SSBP4: variants seen among roughly 807,000 people sequenced by gnomAD.
The protein encoded by SSBP4 is single stranded DNA binding protein 4.
Under a neutral mutation model 64.6 loss-of-function variants are expected in SSBP4, and 33 were observed. The observed-to-expected ratio is 0.51, with a 90% CI of 0.39 to 0.68. The LOEUF (loss-of-function observed/expected upper bound fraction) is 0.68. Among genes scored for constraint, SSBP4 ranks in the 30% least tolerant of loss-of-function variants. The probability of loss-of-function intolerance (pLI) is 0.00; values close to 1 mark genes in which losing one functional copy is unlikely to be tolerated. For missense variants in SSBP4, 583 were observed against 566.8 expected (o/e 1.03, Z -0.29); for synonymous variants, 243 against 224.0 (o/e 1.08, Z -0.76).
At chr19:18,425,618 GT>G (rs1972798420) in intron 1 of SSBP4, among the ~76,000 whole-genome samples, 1 of 152,200 alleles carries the variant, frequency 6.6e-6, no homozygotes, top group South Asian at 2.1e-4. Context: ...GGCCAGGAAA[GT>G]GGAGGAAGAG....
rs560250784 is a variant in SSBP4 at position 18,432,703 on chromosome 19, C to A, written c.754C>A (p.Pro252Thr). 7.0e-6 allele frequency: 11 copies of A among 1,575,058 alleles called. No individual in the cohort carries two copies. In the South Asian group the frequency reaches 1.3e-4, roughly 19 times the overall value. Reference protein sequence around the residue: ...PWASPSGNSIPYSSSSPGSYT... With the variant: ...PWASPSGNSITYSSSSPGSYT... ...TCACAGCTGCCCTTGTCCCCAGATC[C>A]CCTACTCCTCCTCATCCCCCGGCAG... The change falls in exon 12 of 18, where the codon CCC (proline) becomes ACC (threonine). Residue 252 changes from proline to threonine, a missense_variant. Physicochemically the swap from Pro to Thr is conservative, Grantham distance 38. Transcript: ENST00000270061.
intron 5 of SSBP4, 102 bp from the exon 6 acceptor site, chr19:18,431,251 C>G (rs939202531): frequency 4.9e-6 from 3 of 617,906 alleles, no homozygotes; most frequent in Admixed American, 6.0e-5. Context: ...GTCCCTGTCC[C>G]ACAGGCTGGC....
At chr19:18,412,774 G>A in the SSBP4 span, among the ~76,000 whole-genome samples, 3 of 152,172 alleles carry the variant, frequency 2.0e-5, no homozygotes, top group South Asian at 6.2e-4. Context: ...GCCAAGGTGG[G>A]AGGACTGCTT....
chr19:18,405,229 C>G, the SSBP4 span, among the ~76,000 whole-genome samples: 3 of 152,154 alleles, frequency 2.0e-5, no homozygotes, highest in Non-Finnish European at 4.4e-5. Flanking sequence ...CAGGCTGGAA[C>G]AGGGTCAAGG....
At chr19:18,408,417 C>A in the SSBP4 span, among the ~76,000 whole-genome samples, 2 of 152,100 alleles carry the variant, frequency 1.3e-5, no homozygotes, top group Non-Finnish European at 2.9e-5. Context: ...GCCTCTTTAA[C>A]CCCCAGGAGG....
At chr19:18,431,896 T>A (rs1973419187) in intron 8 of SSBP4, 34 bp downstream of exon 8, 1 of 1,565,350 alleles carries the variant, frequency 6.4e-7, no homozygotes, top group Admixed American at 1.8e-5. Context: ...TATCCCGCCA[T>A]CAATCAGAAT....
chr19:18,409,271 C>G, the SSBP4 span, among the ~76,000 whole-genome samples: 1 of 150,698 alleles, frequency 6.6e-6, no homozygotes, highest in Non-Finnish European at 1.5e-5. Flanking sequence ...ACTGCAACCT[C>G]TACCTCCCAG....
rs1202953633 is a variant in SSBP4, at chr19:18,427,056, C to G, written c.60-295C>G. Among the ~76,000 whole-genome samples, 1 of 152,136 alleles carries G rather than the reference C, an allele frequency of 6.6e-6. No individual in the cohort carries two copies. The highest frequency in any genetic ancestry group is 2.4e-5 in the African/African-American group (1 of 41,404). ...GCACACACACAGGAATGACACTCCT[C>G]TATGGAGGAGACCTCCCCAGCGCTG... On this transcript the variant is annotated intron_variant, in intron 1 of 17. Transcript: ENST00000270061. The surrounding 1 kb of genome is among the most constrained non-coding windows in gnomAD (Gnocchi z 4.4).
rs914894309 is a variant in SSBP4 at position 18,428,100 on chromosome 19, T to C, written c.279+118T>C. 3.4e-6 allele frequency: 4 copies of C among 1,187,546 alleles called. No individual in the cohort carries two copies. In the African/African-American group the frequency reaches 6.1e-5, roughly 18 times the overall value. 73.6% of individuals were successfully genotyped at this position (1,187,546 alleles called of 1,614,324 possible). A position where few individuals can be genotyped will look rare whatever the true frequency, so the allele number is the denominator to read the frequency against. Reference sequence around the variant, plus strand: ...AGGAGGGCTGGGGATGGTGGCAGTTTGGGGTTGACAGGCAGAGCTGCAGCC... The same window carrying C: ...AGGAGGGCTGGGGATGGTGGCAGTTCGGGGTTGACAGGCAGAGCTGCAGCC... On this transcript the variant is annotated intron_variant, in intron 4 of 17. Transcript: ENST00000270061.
At position 18,427,942 on chromosome 19, in the gene SSBP4, C is replaced by T; in HGVS notation, c.239C>T (p.Ala80Val). ...LYCAAPDRRE[A>V]CEHSGEAKAF... ...TGCGCGGCGCCTGACAGAAGAGAGGCCTGCGAGCACTCCGGCGAGGCCAAG... is the reference window on the plus strand; with the variant it reads ...TGCGCGGCGCCTGACAGAAGAGAGGTCTGCGAGCACTCCGGCGAGGCCAAG... Residue 80 changes from alanine to valine, a missense_variant, in exon 4 of 18, where the codon GCC (alanine) becomes GTC (valine). Physicochemically the swap from Ala to Val is moderately conservative, Grantham distance 64 (BLOSUM62 0). Around this residue, in one of 5 missense-constraint regions of SSBP4, gnomAD observed 444 missense variants for 386.6 expected, o/e 1.15. Coordinates refer to ENST00000270061, the MANE Select transcript of SSBP4 (RefSeq NM_032627.5). The surrounding 1 kb of genome is among the most constrained non-coding windows in gnomAD (Gnocchi z 4.4). 1 of 1,613,546 alleles carries T rather than the reference C, an allele frequency of 6.2e-7. No individual in the cohort carries two copies.
upstream of SSBP4, among the ~76,000 whole-genome samples, chr19:18,418,614 C>A (rs950680700): frequency 6.6e-6 from 1 of 152,254 alleles, no homozygotes; most frequent in African/African-American, 2.4e-5. The surrounding 1 kb of genome is among the most constrained non-coding windows in gnomAD (Gnocchi z 6.7). Context: ...GTGGCTCCCA[C>A]AGCCTGGGTA....
Position 18,432,617 on chromosome 19 carries a change from C to G in SSBP4, c.750+13C>G. ...CAGTGGAAACTCGGTGAGCCTATGG[C>G]TGGGTGGGCAGGCTTGGGGTGGGGT... is the stretch of plus-strand genomic sequence containing the variant. On this transcript the variant is annotated intron_variant, in intron 11 of 17. Transcript: ENST00000270061. 1.3e-6 allele frequency: 1 copy of G among 759,102 alleles called. No homozygotes were observed. Among genetic ancestry groups the G allele is most frequent in the South Asian group, 1.4e-5 (1 of 69,768 alleles). The allele number at this position is 759,102 out of a possible 1,614,324, so 47.0% of individuals were successfully genotyped here. A position where few individuals can be genotyped will look rare whatever the true frequency, so the allele number is the denominator to read the frequency against.
At position 18,419,659 on chromosome 19, in the gene SSBP4, AG is replaced by A; in HGVS notation, c.17del (p.Gly6AlafsTer134). 3.2e-6 allele frequency: 4 copies of A among 1,240,096 alleles called. No homozygotes were observed. Among genetic ancestry groups the A allele is most frequent in the Admixed American group, 4.3e-5 (1 of 23,002 alleles). 76.8% of individuals were successfully genotyped at this position (1,240,096 alleles called of 1,614,324 possible). A position where few individuals can be genotyped will look rare whatever the true frequency, so the allele number is the denominator to read the frequency against. On this transcript the variant is annotated frameshift_variant, in exon 1 of 18. Transcript: ENST00000270061. The part of the protein sequence containing the change: MYA[K>X]GGKGSAVPSD... ...GCGGCGTGGAGCAGCATGTACGCCA[AG>A]GGGGGCAAGGGTTCGGCCGTGCCCT...
At chr19:18,409,187 CTTTTT>C in the SSBP4 span, among the ~76,000 whole-genome samples, 5 of 135,028 alleles carry the variant, frequency 3.7e-5, no homozygotes, top group African/African-American at 8.6e-5. Context: ...AGTGGCCATT[CTTTTT>C]TTTTTTTTTT....
chr19:18,431,978 C>G (rs748476470), intron 8 of SSBP4, 22 bp from the exon 9 acceptor site: 1 of 1,550,664 alleles, frequency 6.4e-7, no homozygotes, highest in Non-Finnish European at 8.7e-7. Context: ...GTCCAAGTCC[C>G]CTTCCTTCTG....
intron 6 of SSBP4, 52 bp from the exon 7 acceptor site, chr19:18,431,595 T>C: frequency 1.3e-6 from 2 of 1,516,772 alleles, no homozygotes; most frequent in Non-Finnish European, 1.8e-6. Flanking sequence ...ATGGGGTAGC[T>C]TTGGGGACCA....
Position 18,434,376 on chromosome 19 carries a change from C to A in SSBP4, c.*130C>A, listed in dbSNP as rs1600382641. On this transcript the variant is annotated 3_prime_UTR_variant, in exon 18 of 18. Coordinates refer to ENST00000270061, the MANE Select transcript of SSBP4 (RefSeq NM_032627.5). ...AATCAAGGCTTGCCCAGCTGGGAGG[C>A]CCCACACGAAAGACTCTTACCATTT... is the stretch of plus-strand genomic sequence containing the variant. 4 of 1,452,666 alleles carry A rather than the reference C, an allele frequency of 2.8e-6. No individual in the cohort carries two copies. The highest frequency in any genetic ancestry group is 3.6e-6 in the Non-Finnish European group (4 of 1,100,386). 90.0% of individuals were successfully genotyped at this position (1,452,666 alleles called of 1,614,324 possible).
rs1041583201 is a variant in SSBP4, at chr19:18,423,075, G to A, written c.59+3368G>A. On this transcript the variant is annotated intron_variant, in intron 1 of 17. Coordinates refer to ENST00000270061, the MANE Select transcript of SSBP4 (RefSeq NM_032627.5). The surrounding 1 kb of genome is among the most constrained non-coding windows in gnomAD (Gnocchi z 4.0). The stretch of plus-strand genomic sequence containing the variant: ...AGATGGCAGTGACTGTGGAGTGCAG[G>A]GGCAGCAGAGTGGGCTGAGGGAGGC... 3.9e-5 allele frequency among the ~76,000 whole-genome samples: 6 copies of A among 152,212 alleles called. No individual in the cohort carries two copies. The highest frequency in any genetic ancestry group is 7.3e-5 in the Non-Finnish European group (5 of 68,030).
In SSBP4 at chr19:18,433,755, C is replaced by T. The variant is rs1973732064; in HGVS notation, c.1066C>T (p.Pro356Ser). Residue 356 changes from proline (P) to serine (S), a missense_variant, in exon 17 of 18, where the codon CCG becomes TCG. Physicochemically the swap from Pro to Ser is moderately conservative, Grantham distance 74 (BLOSUM62 -1). Transcript: ENST00000270061. ...CGGCCTGAGCAACGCCCCGGGCACCCCGCGGGACGACGGCGAGATGGCGGC... is the reference window on the plus strand; with the variant it reads ...CGGCCTGAGCAACGCCCCGGGCACCTCGCGGGACGACGGCGAGATGGCGGC... The part of the protein sequence containing the change: ...VAGLSNAPGT[P>S]RDDGEMAAAG... 15 of 1,438,814 alleles carry T rather than the reference C, an allele frequency of 1.0e-5. No homozygotes were observed. The highest frequency in any genetic ancestry group is 1.4e-5 in the Non-Finnish European group (15 of 1,103,554). The allele number at this position is 1,438,814 out of a possible 1,614,324, so 89.1% of individuals were successfully genotyped here. A position where few individuals can be genotyped will look rare whatever the true frequency, so the allele number is the denominator to read the frequency against.
Sources: allele counts gnomAD v4.1 joint callset (sites outside exome capture counted in the v4.1 genomes callset), GRCh38; gene constraint gnomAD v4.1.1; regional missense constraint gnomAD v4.1.1; non-coding constraint Gnocchi (gnomAD v3.1); transcripts MANE v1.5; gene names NCBI Gene and HGNC (gene_info 2026-07-23, HGNC 2026-07-21).